Variants in PRKCB observed in about 807,000 individuals in gnomAD.
PRKCB encodes protein kinase C beta, also known as protein kinase C beta type.
A neutral mutation model predicts 81.5 loss-of-function variants in PRKCB; 13 were observed. The observed-to-expected ratio is 0.16, with a 90% confidence interval of 0.10 to 0.25. The LOEUF is 0.25. Among genes scored for constraint, PRKCB ranks in the 10% least tolerant of loss-of-function variants. The pLI is 1.00. For synonymous variants in PRKCB, 335 were observed against 321.4 expected (o/e 1.04, Z -0.45); for missense variants, 509 against 875.7 (o/e 0.58, Z 5.29).
At chr16:24,186,754 T>A (rs998569324) in intron 15 of PRKCB, among the ~76,000 whole-genome samples, 3 of 152,240 alleles carry the variant, frequency 2.0e-5, no homozygotes, top group African/African-American at 7.2e-5. Context: ...TGGGCCAGCC[T>A]CTCAGCCTAA....
intron 5 of PRKCB, among the ~76,000 whole-genome samples, chr16:24,042,998 A>G (rs978135146): frequency 2.6e-5 from 4 of 152,036 alleles, no homozygotes; most frequent in Non-Finnish European, 4.4e-5. Flanking sequence ...TGGCCTCCCA[A>G]AGCGCTGGGA....
rs139256251 is a variant in PRKCB at position 24,183,190 on chromosome 16, T to C, written c.1534-1921T>C. On this transcript the variant is annotated intron_variant, in intron 13 of 16. Transcript: ENST00000643927. ...TCCCTTCCTTGTCTTGAGGGTTACT[T>C]CTCAGAATGCATTTCATTCATTCAT... Among the ~76,000 whole-genome samples, 3 of 152,274 alleles carry C rather than the reference T, an allele frequency of 2.0e-5. No individual in the cohort carries two copies. In the South Asian group the frequency reaches 6.2e-4, roughly 32 times the overall value.
At chr16:24,109,565 T>G (rs1596551937) in intron 7 of PRKCB, among the ~76,000 whole-genome samples, 2 of 116,910 alleles carry the variant, frequency 1.7e-5, no homozygotes, top group African/African-American at 4.4e-5. Context: ...CCGGCAGAGG[T>G]GCTCCTCACT....
In PRKCB at chr16:23,989,947, G is replaced by T. The variant is rs116861240; in HGVS notation, c.288+1357G>T. On this transcript the variant is annotated intron_variant, in intron 3 of 16. Transcript: ENST00000643927. Reference sequence around the variant, plus strand: ...GAAAGATTTTTCCTTTCTGATAAGAGAGAGACATCCCTTCCCTTGTCCTCT... The same window carrying T: ...GAAAGATTTTTCCTTTCTGATAAGATAGAGACATCCCTTCCCTTGTCCTCT... Among the ~76,000 whole-genome samples the T allele has an allele frequency of 7.5e-3, 1,140 of 152,288 alleles. 13 individuals carry two copies. The highest frequency in any genetic ancestry group is 0.018 in the South Asian group (85 of 4,826).
At chr16:24,167,843 C>G (rs1232084802) in intron 10 of PRKCB, among the ~76,000 whole-genome samples, 3 of 152,216 alleles carry the variant, frequency 2.0e-5, no homozygotes, top group Non-Finnish European at 4.4e-5. Context: ...AGCTGAGAGA[C>G]CACTGGCAAG....
intron 10 of PRKCB, among the ~76,000 whole-genome samples, chr16:24,168,595 G>C (rs1374657721): frequency 8.1e-6 from 1 of 124,096 alleles, no homozygotes; most frequent in Non-Finnish European, 1.7e-5. Flanking sequence ...CTGTTGCCTG[G>C]GCTGGAGTGC....
intron 7 of PRKCB, among the ~76,000 whole-genome samples, chr16:24,096,261 A>C (rs1419146052): frequency 6.6e-6 from 1 of 152,170 alleles, no homozygotes; most frequent in African/African-American, 2.4e-5. Flanking sequence ...ACTCCATCTC[A>C]AAATAAAATG....
At chr16:24,077,528 A>C (rs1165195462) in intron 5 of PRKCB, among the ~76,000 whole-genome samples, 1 of 149,808 alleles carries the variant, frequency 6.7e-6, no homozygotes, top group African/African-American at 2.5e-5. Flanking sequence ...CAGTTCATAC[A>C]TTCATCCATA....
intron 15 of PRKCB, among the ~76,000 whole-genome samples, chr16:24,190,492 GTT>G (rs11315093): frequency 3.2e-4 from 40 of 123,288 alleles, no homozygotes; most frequent in Non-Finnish European, 5.4e-4. Flanking sequence ...TTTTCTTTCT[GTT>G]TTTTTTTTTT....
chr16:24,112,964 T>A lies in PRKCB; in HGVS notation c.822-9T>A, dbSNP rs779177002. On this transcript the variant is annotated splice_polypyrimidine_tract_variant and intron_variant, in intron 7 of 16. Coordinates refer to ENST00000643927, the MANE Select transcript of PRKCB (RefSeq NM_002738.7). The stretch of plus-strand genomic sequence containing the variant: ...ATGAAATGTGTCCCACCCCCTTGTC[T>A]CCCTTCAGGTTTAAGTTACTGAGCC... The A allele has an allele frequency of 1.3e-6, 2 of 1,591,108 alleles. No homozygotes were observed. Among genetic ancestry groups the A allele is most frequent in the Non-Finnish European group, 1.7e-6 (2 of 1,167,422 alleles).
chr16:24,193,416 G>A (rs1162504963), intron 16 of PRKCB, among the ~76,000 whole-genome samples: 1 of 151,532 alleles, frequency 6.6e-6, no homozygotes, highest in Admixed American at 6.6e-5. Flanking sequence ...CTGCACTCCA[G>A]CCTGGGCGAC....
chr16:24,034,786 A>T (rs539562053), intron 4 of PRKCB, among the ~76,000 whole-genome samples: 1 of 152,104 alleles, frequency 6.6e-6, no homozygotes, highest in East Asian at 1.9e-4. Context: ...CTCTTGTCTC[A>T]GTTTGGAACA....
At chr16:23,977,284 GA>G (rs1434922932) in intron 2 of PRKCB, among the ~76,000 whole-genome samples, 1 of 152,176 alleles carries the variant, frequency 6.6e-6, no homozygotes, top group Non-Finnish European at 1.5e-5. Context: ...TTAGTGTGGG[GA>G]AAAGCAGGTG....
At chr16:23,914,647 TG>T (rs1963710941) in intron 2 of PRKCB, among the ~76,000 whole-genome samples, 1 of 152,172 alleles carries the variant, frequency 6.6e-6, no homozygotes, top group African/African-American at 2.4e-5. Flanking sequence ...ACAAGGCTGT[TG>T]GGAGGTTTAA....
rs1567323491 is a variant in PRKCB, at chr16:23,950,134, T to TG, written c.206-38374_206-38373insG. Among the ~76,000 whole-genome samples the TG allele has an allele frequency of 4.0e-5, 5 of 126,474 alleles. No homozygotes were observed. The East Asian group carries it at 8.4e-4, about 21-fold the overall frequency. The allele number at this position is 126,474 out of a possible 152,430, so 83.0% of individuals were successfully genotyped here. A position where few individuals can be genotyped will look rare whatever the true frequency, so the allele number is the denominator to read the frequency against. Reference sequence around the variant, plus strand: ...CAGCATTGGCCCCTATGATTTGAATTTTTTTTTTTTTTTTTTTTTTTTTTC... The same window carrying TG: ...CAGCATTGGCCCCTATGATTTGAATTGTTTTTTTTTTTTTTTTTTTTTTTTC... On this transcript the variant is annotated intron_variant, in intron 2 of 16. Transcript: ENST00000643927.
intron 13 of PRKCB, among the ~76,000 whole-genome samples, chr16:24,181,423 T>G (rs1967619764): frequency 6.6e-6 from 1 of 151,986 alleles, no homozygotes; most frequent in Non-Finnish European, 1.5e-5. Flanking sequence ...TATGTAGATG[T>G]GAAAAGATCT....
chr16:24,191,060 G>GCAAATT, intron 15 of PRKCB, 30 bp from the exon 16 acceptor site: 2 of 1,606,310 alleles, frequency 1.2e-6, no homozygotes, highest in Non-Finnish European at 1.7e-6. Context: ...CTGAAACTCA[G>GCAAATT]CAAATTCAAT....
At chr16:24,114,759 T>C (rs1966716761) in intron 8 of PRKCB, among the ~76,000 whole-genome samples, 1 of 152,088 alleles carries the variant, frequency 6.6e-6, no homozygotes, top group Non-Finnish European at 1.5e-5. Context: ...AGATAAACCA[T>C]GATGGCCTAC....
intron 2 of PRKCB, among the ~76,000 whole-genome samples, chr16:23,957,433 T>C (rs1460717331): frequency 6.6e-6 from 1 of 152,172 alleles, no homozygotes; most frequent in Non-Finnish European, 1.5e-5. Flanking sequence ...TTTTTTGTTG[T>C]TTTGAGAAAG....
Sources: gnomAD v4.1 joint callset for allele counts (sites outside exome capture counted in the v4.1 genomes callset) on GRCh38, gnomAD v4.1.1 for gene constraint, MANE v1.5 for transcripts, NCBI Gene and HGNC (gene_info 2026-07-23, HGNC 2026-07-21) for gene names.